The following MYH14 variants were observed in gnomAD, a reference collection of about 807,000 sequenced individuals.
MYH14 encodes myosin-14.
In MYH14, 123 loss-of-function variants were observed where a neutral mutation model predicts 255.5. The ratio of observed to expected loss-of-function variants is 0.48; its 90% confidence interval spans 0.42 to 0.56. The LOEUF (loss-of-function observed/expected upper bound fraction) is 0.56, where lower values mean the gene tolerates loss of function less well. Among genes scored for constraint, MYH14 ranks in the 20% least tolerant of loss-of-function variants. The pLI, the probability that MYH14 is intolerant of heterozygous loss-of-function variation, is 0.00. For missense variants in MYH14, 2,423 were observed against 2,802.3 expected (o/e 0.86, Z 3.06); for synonymous variants, 1,095 against 1,161.2 (o/e 0.94, Z 1.16).
intron 1 of MYH14, among the ~76,000 whole-genome samples, chr19:50,204,816 G>A (rs1227319656): frequency 6.6e-6 from 1 of 152,092 alleles, no homozygotes; most frequent in Non-Finnish European, 1.5e-5. Context: ...GATCGGTTGA[G>A]CCCAGGAGGT....
intron 12 of MYH14, among the ~76,000 whole-genome samples, chr19:50,247,694 T>C (rs1329704142): frequency 6.6e-6 from 1 of 151,798 alleles, no homozygotes; most frequent in Non-Finnish European, 1.5e-5. Context: ...AGATGAGACC[T>C]AGATGGTTCG....
At chr19:50,260,243 T>C (rs2034773071) in intron 19 of MYH14, among the ~76,000 whole-genome samples, 1 of 152,102 alleles carries the variant, frequency 6.6e-6, no homozygotes, top group Admixed American at 6.6e-5. Flanking sequence ...CTGGCCATCA[T>C]GGAGAAACCC....
chr19:50,260,147 C>G (rs960752818), intron 19 of MYH14, among the ~76,000 whole-genome samples: 5 of 152,202 alleles, frequency 3.3e-5, no homozygotes, highest in Admixed American at 3.3e-4. Context: ...CCAATACTGG[C>G]TGGGCACTGT....
intron 26 of MYH14, 25 bp from the exon 27 acceptor site, chr19:50,272,535 G>A (rs2035342722): frequency 6.4e-7 from 1 of 1,554,988 alleles, no homozygotes; most frequent in Non-Finnish European, 8.7e-7. Context: ...GAGTCCTCAT[G>A]CACGGCCCCC....
chr19:50,233,094 C>T (rs2033485248), intron 10 of MYH14, among the ~76,000 whole-genome samples: 2 of 152,076 alleles, frequency 1.3e-5, no homozygotes, highest in African/African-American at 4.8e-5. Context: ...CAGGTTGGCC[C>T]AGGCTGCGCG....
At chr19:50,244,432 C>A in intron 11 of MYH14, 95 bp downstream of exon 11, 1 of 905,510 alleles carries the variant, frequency 1.1e-6, no homozygotes, top group Non-Finnish European at 1.8e-6. Context: ...GAGCATCCCC[C>A]TTCCAGCCAC....
chr19:50,280,204 T>C lies in MYH14; in HGVS notation c.4138-27T>C, dbSNP rs1226815356. ...CCCTCCTTGTCCTCCCAGCCACACC[T>C]GACATTGCCGTCTCCTCCATCTACA... On this transcript the variant is annotated intron_variant, in intron 31 of 42. Transcript: ENST00000642316. The surrounding 1 kb of genome is among the most constrained non-coding windows in gnomAD (Gnocchi z 4.8). 1.3e-6 allele frequency: 2 copies of C among 1,554,814 alleles called. No homozygotes were observed. Among genetic ancestry groups the C allele is most frequent in the South Asian group, 2.4e-5 (2 of 84,206 alleles).
At position 50,221,723 on chromosome 19, in the gene MYH14, G is replaced by A. The variant is rs1281897120; in HGVS notation, c.563-1360G>A. Among the ~76,000 whole-genome samples the A allele has an allele frequency of 5.3e-5, 8 of 151,940 alleles. No homozygotes were observed. Among genetic ancestry groups the A allele is most frequent in the Non-Finnish European group, 8.8e-5 (6 of 67,998 alleles). On this transcript the variant is annotated intron_variant, in intron 3 of 42. Transcript: ENST00000642316. The surrounding 1 kb of genome is among the most constrained non-coding windows in gnomAD (Gnocchi z 5.3). ...AACTCCTGACTTCGGGTGATCTGCT[G>A]GCCTCGGCCTCCCAAAGTGCTGGGA...
chr19:50,240,867 C>T (rs2033866170), intron 10 of MYH14, among the ~76,000 whole-genome samples: 1 of 152,128 alleles, frequency 6.6e-6, no homozygotes, highest in South Asian at 2.1e-4. Context: ...TGAATCCCAG[C>T]TCTGCCAGCC....
At chr19:50,242,197 A>G (rs1177338114) in intron 10 of MYH14, among the ~76,000 whole-genome samples, 1 of 152,194 alleles carries the variant, frequency 6.6e-6, no homozygotes, top group Non-Finnish European at 1.5e-5. Context: ...TCTAGGGGGC[A>G]GCACTACCCA....
At chr19:50,305,488 A>C (rs2036623839) in intron 40 of MYH14, among the ~76,000 whole-genome samples, 1 of 152,094 alleles carries the variant, frequency 6.6e-6, no homozygotes, top group Non-Finnish European at 1.5e-5. Context: ...ACGGCCCCAG[A>C]GGTGCATGAG....
Position 50,230,677 on chromosome 19 carries a change from C to T in MYH14, c.973+54C>T. 6.8e-7 allele frequency: 1 copy of T among 1,481,304 alleles called. No homozygotes were observed. The highest frequency in any genetic ancestry group is 9.2e-7 in the Non-Finnish European group (1 of 1,088,528). The allele number at this position is 1,481,304 out of a possible 1,614,324, so 91.8% of individuals were successfully genotyped here. On this transcript the variant is annotated intron_variant, in intron 9 of 42. Coordinates refer to ENST00000642316, the MANE Select transcript of MYH14 (RefSeq NM_001145809.2). The surrounding 1 kb of genome is among the most constrained non-coding windows in gnomAD (Gnocchi z 4.7). ...ACCCGGGAGAGGGTGGGCACCATGT[C>T]TCTCGGGGGCCCCTTCTGGGGAGGA...
chr19:50,213,913 C>T (rs1022178757), intron 2 of MYH14, among the ~76,000 whole-genome samples: 1 of 152,208 alleles, frequency 6.6e-6, no homozygotes, highest in East Asian at 1.9e-4. Flanking sequence ...GCAGCTCAAC[C>T]TCCTGGGCTC....
chr19:50,280,420 GC>G lies in MYH14; in HGVS notation c.4290+43del, dbSNP rs2035677569. ...TACGTAAGACCTTCAGGGAGGCACA[GC>G]CCCCCTCACTGCTCCTCCTGGGTTC... On this transcript the variant is annotated intron_variant, in intron 32 of 42. Coordinates refer to ENST00000642316, the MANE Select transcript of MYH14 (RefSeq NM_001145809.2). The surrounding 1 kb of genome is among the most constrained non-coding windows in gnomAD (Gnocchi z 4.8). The G allele has an allele frequency of 6.7e-7, 1 of 1,488,030 alleles. No homozygotes were observed. Among genetic ancestry groups the G allele is most frequent in the Non-Finnish European group, 9.0e-7 (1 of 1,112,770 alleles). The allele number at this position is 1,488,030 out of a possible 1,614,324, so 92.2% of individuals were successfully genotyped here.
At chr19:50,299,860 G>T (rs563524697) in intron 39 of MYH14, among the ~76,000 whole-genome samples, 1 of 150,638 alleles carries the variant, frequency 6.6e-6, no homozygotes, top group Admixed American at 6.6e-5. Flanking sequence ...CAAGAAAATC[G>T]CTTGACCCCG....
chr19:50,275,009 T>C (rs971140546), intron 27 of MYH14, among the ~76,000 whole-genome samples: 1 of 152,014 alleles, frequency 6.6e-6, no homozygotes, highest in Admixed American at 6.6e-5. Flanking sequence ...ATCCACTTTC[T>C]GTCTAAATAG....
intron 1 of MYH14, among the ~76,000 whole-genome samples, chr19:50,204,238 C>T (rs1165189605): frequency 6.6e-6 from 1 of 152,102 alleles, no homozygotes; most frequent in Non-Finnish European, 1.5e-5. Flanking sequence ...GAGACTGGGC[C>T]GAATTGGTGA....
intron 22 of MYH14, among the ~76,000 whole-genome samples, chr19:50,264,055 C>CAAAAAAAAAAAG (rs780359194): frequency 6.0e-5 from 2 of 33,420 alleles, no homozygotes; most frequent in African/African-American, 2.7e-4. Flanking sequence ...AACTCTGTCT[C>CAAAAAAAAAAAG]AAAAAAAAAA....
chr19:50,297,337 G>T (rs914893975), intron 39 of MYH14, among the ~76,000 whole-genome samples: 11 of 151,880 alleles, frequency 7.2e-5, no homozygotes, highest in African/African-American at 2.7e-4. Flanking sequence ...TCAAGGTGTG[G>T]GCAGGGTTGG....
Sources: gnomAD v4.1 joint callset for allele counts (sites outside exome capture counted in the v4.1 genomes callset) on GRCh38, gnomAD v4.1.1 for gene constraint, Gnocchi (gnomAD v3.1) non-coding constraint, MANE v1.5 for transcripts, NCBI Gene and HGNC (gene_info 2026-07-23, HGNC 2026-07-21) for gene names.